TXNDC5: variants seen among roughly 807,000 people sequenced by gnomAD.
TXNDC5 encodes the protein thioredoxin domain containing 5.
Under a neutral mutation model 52.6 loss-of-function variants are expected in TXNDC5, and 44 were observed. The ratio of observed to expected loss-of-function variants is 0.84; its 90% CI spans 0.66 to 1.08. The LOEUF (loss-of-function observed/expected upper bound fraction) is 1.08. TXNDC5 is among the 50% of genes least tolerant of loss of function. The pLI, the probability that TXNDC5 is intolerant of heterozygous loss-of-function variation, is 0.00. For missense variants in TXNDC5, 600 were observed against 565.5 expected (o/e 1.06, Z -0.62); for synonymous variants, 241 against 234.4 (o/e 1.03, Z -0.26).
intron 2 of TXNDC5, chr6:7,899,986 C>A: frequency 5.3e-6 from 1 of 190,056 alleles, no homozygotes; most frequent in East Asian, 1.4e-4. Flanking sequence ...GCAGCAGCCT[C>A]GGGCCTTCCC....
rs766486391 is a variant in TXNDC5 at position 7,884,430 on chromosome 6, G to C, written c.1105C>G (p.Pro369Ala). 84 of 1,613,970 alleles carry C rather than the reference G, an allele frequency of 5.2e-5. No homozygotes were observed. Among genetic ancestry groups the C allele is most frequent in the Non-Finnish European group, 6.9e-5 (82 of 1,180,008 alleles). ...TWEELSKKEFPGLAGVKIAEV... is the reference protein window; with the variant it reads ...TWEELSKKEFAGLAGVKIAEV... The stretch of plus-strand genomic sequence containing the variant: ...GCGATCTTGACCCCCGCCAGACCAG[G>C]GAATTCCTTTTTAGAGAGTTCCTCC... Residue 369 changes from proline (P) to alanine (A), a missense_variant, in exon 9 of 10, where the codon CCT (proline) becomes GCT (alanine). Pro to Ala is a conservative substitution (Grantham distance 27). Transcript: ENST00000379757.
At chr6:7,908,152 A>C (rs534164157) in intron 1 of TXNDC5, among the ~76,000 whole-genome samples, 2 of 152,112 alleles carry the variant, frequency 1.3e-5, no homozygotes, top group East Asian at 3.9e-4. Context: ...GCGTGGTGGC[A>C]CGCACCTGTA....
At chr6:7,884,825 G>A (rs1377640928) in intron 8 of TXNDC5, among the ~76,000 whole-genome samples, 2 of 152,220 alleles carry the variant, frequency 1.3e-5, no homozygotes, top group Non-Finnish European at 2.9e-5. Context: ...AGGGAACAGG[G>A]CAGATGCCAC....
chr6:7,901,738 T>C (rs1760574984), intron 2 of TXNDC5, among the ~76,000 whole-genome samples: 1 of 152,138 alleles, frequency 6.6e-6, no homozygotes, highest in Admixed American at 6.5e-5. Flanking sequence ...TTACCAAGCC[T>C]CCACATGGGC....
At chr6:7,906,673 CA>C (rs150982478) in intron 1 of TXNDC5, among the ~76,000 whole-genome samples, 11 of 131,158 alleles carry the variant, frequency 8.4e-5, no homozygotes, top group Admixed American at 1.6e-4. Context: ...TACTCAGATA[CA>C]AAAAAAAAAG....
In TXNDC5 at chr6:7,889,121, G is replaced by A. The variant is rs976230370; in HGVS notation, c.820-273C>T. ...CCTGCCAGCAAGCCGTTGTGCTGAT[G>A]GGGAACTCTGAGCTGCTGACCATCG... On this transcript the variant is annotated intron_variant, in intron 6 of 9. Coordinates refer to ENST00000379757, the MANE Select transcript of TXNDC5 (RefSeq NM_030810.5). 1.7e-5 allele frequency: 8 copies of A among 475,928 alleles called. No individual in the cohort carries two copies. In the East Asian group the frequency reaches 2.1e-4, roughly 13 times the overall value. The allele number at this position is 475,928 out of a possible 1,614,324, so 29.5% of individuals were successfully genotyped here. A position where few individuals can be genotyped will look rare whatever the true frequency, so the allele number is the denominator to read the frequency against.
intron 9 of TXNDC5, among the ~76,000 whole-genome samples, chr6:7,884,155 T>TACTA (rs1173973586): frequency 6.6e-6 from 1 of 152,134 alleles, no homozygotes; most frequent in Admixed American, 6.5e-5. Context: ...GAAACATGGA[T>TACTA]ACTAACTACA....
At chr6:7,891,805 A>T in intron 4 of TXNDC5, 69 bp from the exon 5 acceptor site, 1 of 1,087,492 alleles carries the variant, frequency 9.2e-7, no homozygotes, top group Non-Finnish European at 1.4e-6. Flanking sequence ...CTCACTAGAG[A>T]GTTAATTGAA....
At chr6:7,884,731 C>CA (rs1759900107) in intron 8 of TXNDC5, among the ~76,000 whole-genome samples, 1 of 152,200 alleles carries the variant, frequency 6.6e-6, no homozygotes, top group Middle Eastern at 3.2e-3. Context: ...AAGCCAGTCT[C>CA]AAAACAAGTT....
chr6:7,903,125 T>C (rs1245377226), intron 2 of TXNDC5, among the ~76,000 whole-genome samples: 3 of 152,242 alleles, frequency 2.0e-5, no homozygotes, highest in African/African-American at 7.2e-5. Context: ...TCACCCCTGC[T>C]GCCCCTGAAC....
intron 5 of TXNDC5, among the ~76,000 whole-genome samples, chr6:7,891,041 A>G (rs1760172603): frequency 6.6e-6 from 1 of 152,224 alleles, no homozygotes; most frequent in African/African-American, 2.4e-5. Context: ...AAATCTATGC[A>G]TGGTGTCTGG....
intron 3 of TXNDC5, among the ~76,000 whole-genome samples, chr6:7,898,124 G>T (rs571996679): frequency 6.6e-6 from 1 of 151,900 alleles, no homozygotes; most frequent in African/African-American, 2.4e-5. Flanking sequence ...GCAGTGGCAT[G>T]ATCTCGCCTC....
chr6:7,905,932 C>T (rs903186625), intron 1 of TXNDC5, among the ~76,000 whole-genome samples: 5 of 152,196 alleles, frequency 3.3e-5, no homozygotes, highest in Admixed American at 3.3e-4. Flanking sequence ...TATTTTCTGA[C>T]AGATTACCTC....
intron 8 of TXNDC5, 60 bp downstream of exon 8, chr6:7,885,901 A>G: frequency 6.5e-7 from 1 of 1,539,732 alleles, no homozygotes; most frequent in Non-Finnish European, 8.9e-7. Flanking sequence ...GATGAGCTGA[A>G]AAACATGATG....
intron 1 of TXNDC5, among the ~76,000 whole-genome samples, chr6:7,906,733 T>C (rs1004586825): frequency 1.0e-4 from 15 of 148,698 alleles, no homozygotes; most frequent in African/African-American, 3.0e-4. Context: ...TTCAACAAAG[T>C]GAGTTTATGT....
chr6:7,910,057 GGT>G, intron 1 of TXNDC5: 1 of 986,164 alleles, frequency 1.0e-6, no homozygotes, highest in Non-Finnish European at 1.2e-6. Flanking sequence ...TCGGTGCCGA[GGT>G]GCAAGAGGCG....
intron 1 of TXNDC5, among the ~76,000 whole-genome samples, chr6:7,908,821 G>A (rs1430193975): frequency 6.6e-6 from 1 of 152,122 alleles, no homozygotes; most frequent in African/African-American, 2.4e-5. Flanking sequence ...CTGGGTAACA[G>A]AGCAAGATCC....
Position 7,910,208 on chromosome 6 carries a change from C to A in TXNDC5, c.263+306G>T. ...GGCCCGCTGAGCTCACGCCTCCCGA[C>A]CCGGAGCCCCAAGCCCTCGGTCCCC... On this transcript the variant is annotated intron_variant, in intron 1 of 9. Coordinates refer to ENST00000379757, the MANE Select transcript of TXNDC5 (RefSeq NM_030810.5). 3.2e-6 allele frequency: 3 copies of A among 940,568 alleles called. No individual in the cohort carries two copies. In the South Asian group the frequency reaches 1.4e-4, roughly 45 times the overall value. 58.3% of individuals were successfully genotyped at this position (940,568 alleles called of 1,614,324 possible). A position where few individuals can be genotyped will look rare whatever the true frequency, so the allele number is the denominator to read the frequency against.
intron 3 of TXNDC5, among the ~76,000 whole-genome samples, chr6:7,897,692 C>G (rs564919096): frequency 6.6e-6 from 1 of 152,252 alleles, no homozygotes; most frequent in African/African-American, 2.4e-5. Context: ...GTGAGGCCGC[C>G]ACCTCCACTA....
Sources: allele counts gnomAD v4.1 joint callset (sites outside exome capture counted in the v4.1 genomes callset), GRCh38; gene constraint gnomAD v4.1.1; transcripts MANE v1.5; gene names NCBI Gene and HGNC (gene_info 2026-07-23, HGNC 2026-07-21).